The following RLN2 variants were observed in gnomAD, a reference collection of about 807,000 sequenced individuals.
RLN2 encodes the protein relaxin 2.
In RLN2, 10 loss-of-function variants were observed where a neutral mutation model predicts 7.3. The ratio of observed to expected loss-of-function variants is 1.36; its 90% confidence interval spans 0.84 to 2.31. The LOEUF (loss-of-function observed/expected upper bound fraction) is 2.31. Ranked by LOEUF, RLN2 falls within the 30% of genes most tolerant of loss-of-function variation. The pLI is 0.00. For missense variants in RLN2, 298 were observed against 217.6 expected, an observed-to-expected ratio of 1.37 and a Z score of -2.32; for synonymous variants, 103 against 82.3, an observed-to-expected ratio of 1.25 and a Z score of -1.36.
At chr9:5,333,752 A>G in the RLN2 span, among the ~76,000 whole-genome samples, 2 of 152,190 alleles carry the variant, frequency 1.3e-5, no homozygotes, top group Non-Finnish European at 1.5e-5. Flanking sequence ...CCTGATGAAC[A>G]TCGATGCAAA....
At chr9:5,326,843 T>C in the RLN2 span, among the ~76,000 whole-genome samples, 1 of 151,952 alleles carries the variant, frequency 6.6e-6, no homozygotes, top group African/African-American at 2.4e-5. Flanking sequence ...AGTATTGAAA[T>C]AGAAGGCAAA....
chr9:5,334,994 TTTAAG>T, the RLN2 span: 2 of 343,764 alleles, frequency 5.8e-6, no homozygotes, highest in Non-Finnish European at 1.0e-5. Context: ...TTATTGTAAT[TTTAAG>T]TTAACAGCAT....
At chr9:5,331,477 C>T in the RLN2 span, among the ~76,000 whole-genome samples, 3 of 151,994 alleles carry the variant, frequency 2.0e-5, 1 homozygote, top group Non-Finnish European at 4.4e-5. Context: ...CCATGGAATA[C>T]TATGCAGCCA....
the RLN2 span, among the ~76,000 whole-genome samples, chr9:5,316,605 C>T: frequency 6.6e-6 from 1 of 152,100 alleles, no homozygotes; most frequent in South Asian, 2.1e-4. Flanking sequence ...CATCCATATC[C>T]CTGCAAAGGA....
chr9:5,335,439 G>C, the RLN2 span: 11 of 1,613,732 alleles, frequency 6.8e-6, no homozygotes, highest in Admixed American at 1.5e-4. Context: ...TCAAAGCTAA[G>C]ATTGGAATCC....
chr9:5,327,190 C>T, the RLN2 span, among the ~76,000 whole-genome samples: 3 of 152,180 alleles, frequency 2.0e-5, no homozygotes, highest in South Asian at 2.1e-4. Flanking sequence ...ACACTCATGA[C>T]CAAATAGTGC....
chr9:5,307,271 G>GAGGATAGATA (rs1816269990), upstream of RLN2, among the ~76,000 whole-genome samples: 89 of 143,576 alleles, frequency 6.2e-4, no homozygotes, highest in African/African-American at 2.1e-3. Flanking sequence ...GATAGATAGA[G>GAGGATAGATA]GATAGATAGA....
the RLN2 span, among the ~76,000 whole-genome samples, chr9:5,325,529 T>C: frequency 6.6e-6 from 1 of 152,032 alleles, no homozygotes; most frequent in Non-Finnish European, 1.5e-5. Context: ...CTAGCACAGT[T>C]CTATGGCCTG....
the RLN2 span, among the ~76,000 whole-genome samples, chr9:5,337,226 T>A: frequency 6.6e-6 from 1 of 152,172 alleles, no homozygotes; most frequent in African/African-American, 2.4e-5. Flanking sequence ...TCTTATTAAA[T>A]GCTGAAAAAA....
upstream of RLN2, among the ~76,000 whole-genome samples, chr9:5,305,950 A>G (rs1280178635): frequency 6.6e-6 from 1 of 151,964 alleles, no homozygotes; most frequent in Non-Finnish European, 1.5e-5. Context: ...AGTTTTCATT[A>G]AAACACGCAG....
intron 1 of RLN2, 70 bp downstream of exon 1, chr9:5,304,300 C>T (rs1816190498): frequency 9.1e-7 from 1 of 1,095,698 alleles, no homozygotes. Flanking sequence ...GCCGCCGTTC[C>T]AATTGGGCGG....
chr9:5,335,352 A>G, the RLN2 span: 1 of 1,613,610 alleles, frequency 6.2e-7, no homozygotes, highest in Non-Finnish European at 8.5e-7. Flanking sequence ...TGAGTATCCA[A>G]GCCTAAGTAT....
At chr9:5,324,772 G>A in the RLN2 span, among the ~76,000 whole-genome samples, 3 of 152,042 alleles carry the variant, frequency 2.0e-5, no homozygotes, top group African/African-American at 4.8e-5. Context: ...AGAGGCTGGC[G>A]TATTATTATT....
chr9:5,317,704 G>T, the RLN2 span, among the ~76,000 whole-genome samples: 1 of 151,856 alleles, frequency 6.6e-6, no homozygotes, highest in Admixed American at 6.6e-5. Flanking sequence ...AGAGGGAAAA[G>T]ACCAAAATTC....
chr9:5,318,669 A>T, the RLN2 span, among the ~76,000 whole-genome samples: 1 of 152,078 alleles, frequency 6.6e-6, no homozygotes, highest in South Asian at 2.1e-4. Context: ...TGGTAAGAAA[A>T]TGAGCTGTGC....
At position 5,300,397 on chromosome 9, in the gene RLN2, T is replaced by A. The variant is rs541323503; in HGVS notation, c.259A>T (p.Met87Leu). ...INKDTETINM[M>L]SEFVANLPQE... ...GGCAAATTAGCAACAAATTCTGACA[T>A]CATATTTATGGTTTCTGTATCTTTG... Residue 87 changes from methionine to leucine, a missense_variant, in exon 2 of 2, where the codon ATG (methionine) becomes TTG (leucine). Coordinates refer to ENST00000381627, the MANE Select transcript of RLN2 (RefSeq NM_134441.3). 103 of 1,611,630 alleles carry A rather than the reference T, an allele frequency of 6.4e-5. No homozygotes were observed. The South Asian group carries it at 1.0e-3, about 16-fold the overall frequency.
At chr9:5,309,187 A>G (rs1816303860), upstream of RLN2, among the ~76,000 whole-genome samples, 1 of 152,044 alleles carries the variant, frequency 6.6e-6, no homozygotes. Context: ...CTTTGTTCCT[A>G]GAGGGACAGA....
chr9:5,313,923 C>A, the RLN2 span, among the ~76,000 whole-genome samples: 6 of 152,108 alleles, frequency 3.9e-5, no homozygotes, highest in East Asian at 9.7e-4. Flanking sequence ...CTCACCTCCA[C>A]CACCCTATCC....
chr9:5,335,376 G>A, the RLN2 span: 20 of 1,613,394 alleles, frequency 1.2e-5, no homozygotes, highest in Admixed American at 3.3e-5. Context: ...AATTCTGAAG[G>A]ATTGCTGTCT....
Sources: allele counts gnomAD v4.1 joint callset (sites outside exome capture counted in the v4.1 genomes callset), GRCh38; gene constraint gnomAD v4.1.1; transcripts MANE v1.5; gene names NCBI Gene and HGNC (gene_info 2026-07-23, HGNC 2026-07-21).